The following GRM5 variants were observed in gnomAD, a reference collection of about 807,000 sequenced individuals.
GRM5 encodes glutamate metabotropic receptor 5, also known as metabotropic glutamate receptor 5.
In GRM5, 19 loss-of-function variants were observed where a neutral mutation model predicts 83.1. The observed-to-expected ratio is 0.23, with a 90% CI of 0.16 to 0.34. GRM5 has a LOEUF of 0.34. Ranked by LOEUF, GRM5 falls within the 10% of genes least tolerant of loss-of-function variation. The pLI is 1.00. For missense variants in GRM5, 1,160 were observed against 1,588.3 expected (o/e 0.73, Z 4.58); for synonymous variants, 675 against 633.6 (o/e 1.07, Z -0.98).
chr11:88,979,691 G>C (rs935467004), intron 2 of GRM5, among the ~76,000 whole-genome samples: 3 of 151,958 alleles, frequency 2.0e-5, no homozygotes, highest in Non-Finnish European at 4.4e-5. Context: ...CTTTCTCTGT[G>C]CTTAGGTCTG....
intron 2 of GRM5, among the ~76,000 whole-genome samples, chr11:89,020,065 T>C (rs1254765539): frequency 1.3e-5 from 2 of 152,076 alleles, no homozygotes; most frequent in African/African-American, 4.8e-5. Context: ...GTCAGGGAGG[T>C]AAGCCAAAGC....
intron 2 of GRM5, among the ~76,000 whole-genome samples, chr11:88,933,085 T>C (rs1937766248): frequency 6.6e-6 from 1 of 151,756 alleles, no homozygotes; most frequent in Non-Finnish European, 1.5e-5. Context: ...TCATAAGTAA[T>C]TTACATTTAA....
intron 3 of GRM5, among the ~76,000 whole-genome samples, chr11:88,810,975 AACAAGACT>A (rs1354367012): frequency 2.6e-5 from 4 of 152,162 alleles, no homozygotes; most frequent in Non-Finnish European, 2.9e-5. Context: ...GTAAAACGGG[AACAAGACT>A]ATCTCAGAGA....
chr11:88,663,029 T>C (rs1939946874), intron 3 of GRM5, among the ~76,000 whole-genome samples: 1 of 152,226 alleles, frequency 6.6e-6, no homozygotes, highest in Non-Finnish European at 1.5e-5. Flanking sequence ...TTTAAGCTTC[T>C]AATTTTGTTA....
chr11:88,980,225 T>C (rs1025161913), intron 2 of GRM5, among the ~76,000 whole-genome samples: 5 of 152,208 alleles, frequency 3.3e-5, no homozygotes, highest in African/African-American at 1.2e-4. Context: ...AATATCTCTA[T>C]TACCTACTCA....
intron 2 of GRM5, among the ~76,000 whole-genome samples, chr11:88,985,998 C>A (rs1424378935): frequency 6.6e-6 from 1 of 152,142 alleles, no homozygotes; most frequent in Non-Finnish European, 1.5e-5. Flanking sequence ...CACCACTATA[C>A]AACCCACCAA....
At chr11:88,849,176 T>C (rs1475472462) in intron 3 of GRM5, among the ~76,000 whole-genome samples, 3 of 151,756 alleles carry the variant, frequency 2.0e-5, no homozygotes. Context: ...CATATGTATA[T>C]ACACACACAC....
intron 2 of GRM5, among the ~76,000 whole-genome samples, chr11:88,866,324 G>T (rs1383893504): frequency 6.6e-6 from 1 of 152,032 alleles, no homozygotes; most frequent in African/African-American, 2.4e-5. Context: ...AACACTGCAT[G>T]TTCTCGCTCA....
At chr11:88,549,879 T>C (rs308794) in intron 8 of GRM5, among the ~76,000 whole-genome samples, 2,491 of 152,268 alleles carry the variant, frequency 0.016, 74 homozygotes, top group African/African-American at 0.057. Flanking sequence ...ATTACGCTGG[T>C]AGCTGCTGGG....
At chr11:88,783,784 A>C (rs1297350876) in intron 3 of GRM5, among the ~76,000 whole-genome samples, 1 of 152,028 alleles carries the variant, frequency 6.6e-6, no homozygotes, top group Non-Finnish European at 1.5e-5. Flanking sequence ...AAAACATCTT[A>C]GCATTAGTTC....
chr11:88,598,482 G>T (rs1427947896), intron 5 of GRM5, among the ~76,000 whole-genome samples: 1 of 151,398 alleles, frequency 6.6e-6, no homozygotes, highest in Non-Finnish European at 1.5e-5. Context: ...TGTTTTGTTG[G>T]TTGTTCAGTA....
In GRM5 at chr11:88,509,332, C is replaced by T. The variant is rs901648577; in HGVS notation, c.2899G>A (p.Ala967Thr). 8 of 1,600,842 alleles carry T rather than the reference C, an allele frequency of 5.0e-6. No homozygotes were observed. The highest frequency in any genetic ancestry group is 6.8e-6 in the Non-Finnish European group (8 of 1,175,156). The change falls in exon 10 of 10, where the codon GCA (alanine) becomes ACA (threonine). Residue 967 changes from alanine (A) to threonine (T), a missense_variant. Physicochemically the swap from Ala to Thr is moderately conservative, Grantham distance 58 (BLOSUM62 0). Around this residue, in one of 9 missense-constraint regions of GRM5, gnomAD observed 562 missense variants for 532.4 expected, o/e 1.06. Transcript: ENST00000305447. ...ESRGLGAGAG[A>T]GGSAGGVGAT... ...CCCACGCCCCCAGCGCTCCCGCCTG[C>T]GCCAGCGCCAGCGCCCAGGCCACGG...
chr11:89,057,489 C>A (rs1206070764), intron 1 of GRM5, among the ~76,000 whole-genome samples: 2 of 152,116 alleles, frequency 1.3e-5, no homozygotes, highest in Non-Finnish European at 2.9e-5. Context: ...AAGATGAAAT[C>A]TGTAATTTTA....
At chr11:88,684,733 T>C (rs867263353) in intron 3 of GRM5, among the ~76,000 whole-genome samples, 1 of 152,212 alleles carries the variant, frequency 6.6e-6, no homozygotes, top group Non-Finnish European at 1.5e-5. Flanking sequence ...GTTCCCCCGA[T>C]ACTGTTCTAG....
intron 8 of GRM5, among the ~76,000 whole-genome samples, chr11:88,566,504 C>T (rs1942877974): frequency 6.6e-6 from 1 of 152,140 alleles, no homozygotes; most frequent in African/African-American, 2.4e-5. Flanking sequence ...TTAGACATCT[C>T]CTAAAGATTT....
chr11:88,746,312 A>G (rs1432526075), intron 3 of GRM5, among the ~76,000 whole-genome samples: 2 of 152,114 alleles, frequency 1.3e-5, no homozygotes, highest in Non-Finnish European at 2.9e-5. Flanking sequence ...AATAACTTCT[A>G]CAACACTGTA....
At chr11:88,990,813 C>T (rs1444471810) in intron 2 of GRM5, among the ~76,000 whole-genome samples, 6 of 151,266 alleles carry the variant, frequency 4.0e-5, no homozygotes, top group Non-Finnish European at 1.5e-5. Context: ...AATTCAACAA[C>T]CCTTCATGCT....
At chr11:88,905,460 G>A (rs2135600034) in intron 2 of GRM5, among the ~76,000 whole-genome samples, 1 of 152,210 alleles carries the variant, frequency 6.6e-6, no homozygotes, top group Non-Finnish European at 1.5e-5. Context: ...TCTCGTGTCA[G>A]CCTCCCGAGT....
intron 2 of GRM5, among the ~76,000 whole-genome samples, chr11:88,954,397 C>A (rs546147160): frequency 6.6e-6 from 1 of 152,006 alleles, no homozygotes; most frequent in South Asian, 2.1e-4. Context: ...CATTTGTGTG[C>A]TCCCTAAGGT....
Sources: gnomAD v4.1 joint callset for allele counts (sites outside exome capture counted in the v4.1 genomes callset) on GRCh38, gnomAD v4.1.1 for gene constraint, gnomAD v4.1.1 regional missense constraint, MANE v1.5 for transcripts, NCBI Gene and HGNC (gene_info 2026-07-23, HGNC 2026-07-21) for gene names.